The following EEF1AKMT4 variants were observed in gnomAD, a reference collection of about 807,000 sequenced individuals.
EEF1AKMT4 encodes the protein EEF1A lysine methyltransferase 4.
A neutral mutation model predicts 23.0 loss-of-function variants in EEF1AKMT4; 17 were observed. The ratio of observed to expected loss-of-function variants is 0.74; its 90% CI spans 0.51 to 1.11. EEF1AKMT4 has a LOEUF of 1.11. Ranked by LOEUF, EEF1AKMT4 falls within the 50% of genes least tolerant of loss-of-function variation. EEF1AKMT4 has a pLI of 0.00. For missense variants in EEF1AKMT4, 318 were observed against 333.4 expected (o/e 0.95, Z 0.36); for synonymous variants, 140 against 141.4 (o/e 0.99, Z 0.07).
Position 184,257,682 on chromosome 3 carries a change from C to T in EEF1AKMT4, c.406C>T (p.Leu136=). Residue 136 remains leucine (L), a synonymous_variant, in exon 2 of 3, where the codon CTG becomes TTG. Transcript: ENST00000324557. ...VVLEKGTLDA[L]LAGERDPWTV... is the part of the protein sequence containing the mutation. ...GCTCGAGAAGGGCACGCTGGATGCC[C>T]TGCTGGCTGGGGAACGAGATCCCTG... 6.2e-7 allele frequency: 1 copy of T among 1,614,184 alleles called. No homozygotes were observed. Among genetic ancestry groups the T allele is most frequent in the Non-Finnish European group, 8.5e-7 (1 of 1,180,042 alleles).
chr3:184,250,066 A>G (rs1024774020), intron 1 of EEF1AKMT4, among the ~76,000 whole-genome samples, 176 bp downstream of exon 1: 3 of 152,178 alleles, frequency 2.0e-5, no homozygotes, highest in African/African-American at 7.2e-5. Context: ...TAACAGGAGT[A>G]AGAGATTGTT....
At chr3:184,250,150 C>T (rs1383564394) in intron 1 of EEF1AKMT4, among the ~76,000 whole-genome samples, 1 of 152,242 alleles carries the variant, frequency 6.6e-6, no homozygotes, top group African/African-American at 2.4e-5. Flanking sequence ...CCTGTCCGGA[C>T]CCTCGGGAGG....
At position 184,258,422 on chromosome 3, in the gene EEF1AKMT4, C is replaced by T; in HGVS notation, c.615C>T (p.His205=). 1.2e-6 allele frequency: 2 copies of T among 1,614,006 alleles called. No homozygotes were observed. Among genetic ancestry groups the T allele is most frequent in the Admixed American group, 1.7e-5 (1 of 60,006 alleles). ...LRHATYGSGF[H]FHLYLMHKGG... is the part of the protein sequence containing the mutation. Reference sequence around the variant, plus strand: ...ATGCTACCTATGGCAGCGGTTTCCACTTCCATCTCTACCTCATGCACAAGG... The same window carrying T: ...ATGCTACCTATGGCAGCGGTTTCCATTTCCATCTCTACCTCATGCACAAGG... The change falls in exon 3 of 3, where the codon CAC becomes CAT. Residue 205 remains histidine, a synonymous_variant. Coordinates refer to ENST00000324557, the MANE Select transcript of EEF1AKMT4 (RefSeq NM_032331.4).
chr3:184,257,215 A>G (rs1330779631), intron 1 of EEF1AKMT4, among the ~76,000 whole-genome samples: 1 of 151,604 alleles, frequency 6.6e-6, no homozygotes, highest in Non-Finnish European at 1.5e-5. Context: ...ATCTCAAAAA[A>G]AAAAAAAAAA....
rs186005618 is a variant in EEF1AKMT4, at chr3:184,256,286, A to G, written c.197-1187A>G. Among the ~76,000 whole-genome samples, 703 of 146,652 alleles carry G rather than the reference A, an allele frequency of 4.8e-3. 5 individuals are homozygous for G. The highest frequency in any genetic ancestry group is 0.016 in the African/African-American group (662 of 40,826). ...AAACTCCATCTCAAAAAAAAAAAAA[A>G]AAAAGAAAAGAAAAGAAAAAAAGAA... On this transcript the variant is annotated intron_variant, in intron 1 of 2. Transcript: ENST00000324557.
At position 184,251,097 on chromosome 3, in the gene EEF1AKMT4, A is replaced by AG. The variant is rs1300372199; in HGVS notation, c.196+1207_196+1208insG. Among the ~76,000 whole-genome samples the AG allele has an allele frequency of 5.3e-4, 69 of 129,830 alleles. 1 individual carries two copies. The highest frequency in any genetic ancestry group is 3.9e-3 in the Middle Eastern group (1 of 258). 85.2% of individuals were successfully genotyped at this position (129,830 alleles called of 152,430 possible). A position where few individuals can be genotyped will look rare whatever the true frequency, so the allele number is the denominator to read the frequency against. ...CAAAACTCTGTCTCAAAAAAAAAAA[A>AG]AAAAAAAGAAAAGAACTTGGACTCT... On this transcript the variant is annotated intron_variant, in intron 1 of 2. Transcript: ENST00000324557.
In EEF1AKMT4 at chr3:184,258,344, C is replaced by T. The variant is rs1719906851; in HGVS notation, c.537C>T (p.Pro179=). ...TTATCTCAATGACTTCTGCTGCCCC[C>T]CACTTTCGGACCAGACACTATGCCC... ...GRFISMTSAA[P]HFRTRHYAQA... The change falls in exon 3 of 3, where the codon CCC becomes CCT. Residue 179 remains proline, a synonymous_variant. Coordinates refer to ENST00000324557, the MANE Select transcript of EEF1AKMT4 (RefSeq NM_032331.4). 1.2e-6 allele frequency: 2 copies of T among 1,613,762 alleles called. No homozygotes were observed. Among genetic ancestry groups the T allele is most frequent in the East Asian group, 4.5e-5 (2 of 44,880 alleles).
intron 2 of EEF1AKMT4, 53 bp downstream of exon 2, chr3:184,257,809 G>A: frequency 2.6e-6 from 4 of 1,556,778 alleles, no homozygotes; most frequent in Non-Finnish European, 3.5e-6. Flanking sequence ...CTGCGGGGTT[G>A]AGGTTTCAGG....
intron 1 of EEF1AKMT4, among the ~76,000 whole-genome samples, chr3:184,254,540 T>TA (rs1213250266): frequency 0.04 from 3,945 of 99,050 alleles, 77 homozygotes; most frequent in African/African-American, 0.069. Context: ...CCGTCTCTAC[T>TA]AAAAAAAAAA....
chr3:184,255,921 G>GCT (rs1719777456), intron 1 of EEF1AKMT4, among the ~76,000 whole-genome samples: 1 of 152,224 alleles, frequency 6.6e-6, no homozygotes, highest in Non-Finnish European at 1.5e-5. Flanking sequence ...TCCTACTGGA[G>GCT]CATGAGCTCC....
chr3:184,254,940 T>C (rs1416644083), intron 1 of EEF1AKMT4, among the ~76,000 whole-genome samples: 1 of 152,190 alleles, frequency 6.6e-6, no homozygotes, highest in Admixed American at 6.5e-5. Context: ...GGCTCCACTT[T>C]GGAAGGCAGT....
At chr3:184,252,278 A>G (rs1453038753) in intron 1 of EEF1AKMT4, among the ~76,000 whole-genome samples, 2 of 152,156 alleles carry the variant, frequency 1.3e-5, no homozygotes, top group Non-Finnish European at 2.9e-5. Context: ...TTAACTGGGA[A>G]CTATCCTTTT....
At chr3:184,254,585 C>T (rs180724761) in intron 1 of EEF1AKMT4, among the ~76,000 whole-genome samples, 8 of 148,140 alleles carry the variant, frequency 5.4e-5, no homozygotes, top group East Asian at 2.0e-4. Context: ...TGGTGGCGGG[C>T]GCCTGTAGTC....
At chr3:184,253,501 T>C (rs953258069) in intron 1 of EEF1AKMT4, among the ~76,000 whole-genome samples, 1 of 152,194 alleles carries the variant, frequency 6.6e-6, no homozygotes, top group Non-Finnish European at 1.5e-5. Flanking sequence ...AGTGGGCCTC[T>C]TGAAAACTGG....
intron 1 of EEF1AKMT4, among the ~76,000 whole-genome samples, chr3:184,251,098 A>AG: frequency 1.5e-5 from 2 of 130,722 alleles, no homozygotes; most frequent in Non-Finnish European, 3.2e-5. Context: ...AAAAAAAAAA[A>AG]AAAAAAGAAA....
At position 184,258,600 on chromosome 3, in the gene EEF1AKMT4, TCCTG is replaced by T. The variant is rs757670344; in HGVS notation, c.*28_*31del. 1 of 1,538,140 alleles carries T rather than the reference TCCTG, an allele frequency of 6.5e-7. No individual in the cohort carries two copies. The highest frequency in any genetic ancestry group is 1.4e-5 in the African/African-American group (1 of 72,630). On this transcript the variant is annotated 3_prime_UTR_variant, in exon 3 of 3. Coordinates refer to ENST00000324557, the MANE Select transcript of EEF1AKMT4 (RefSeq NM_032331.4). Reference sequence around the variant, plus strand: ...AGGCCAGAGCATGGTCCTCCACCCTTCCTGCCATTCTGCCCTGGGCTCCTCAGGT... The same window carrying T: ...AGGCCAGAGCATGGTCCTCCACCCTTCCATTCTGCCCTGGGCTCCTCAGGT...
At chr3:184,254,509 C>A (rs146099524) in intron 1 of EEF1AKMT4, among the ~76,000 whole-genome samples, 8,023 of 149,882 alleles carry the variant, frequency 0.054, 329 homozygotes, top group African/African-American at 0.1. Flanking sequence ...TCGAGACCAT[C>A]CTGGCTAACA....
chr3:184,256,240 C>T (rs1268485522), intron 1 of EEF1AKMT4, among the ~76,000 whole-genome samples: 1 of 131,746 alleles, frequency 7.6e-6, no homozygotes, highest in Non-Finnish European at 1.6e-5. Context: ...CCTCTGCACT[C>T]CAGCCTGGGC....
intron 1 of EEF1AKMT4, among the ~76,000 whole-genome samples, chr3:184,256,272 CAA>C (rs59087969): frequency 0.018 from 971 of 54,144 alleles, 18 homozygotes; most frequent in African/African-American, 0.058. Flanking sequence ...AACTCCATCT[CAA>C]AAAAAAAAAA....
Sources: gnomAD v4.1 joint callset for allele counts (sites outside exome capture counted in the v4.1 genomes callset) on GRCh38, gnomAD v4.1.1 for gene constraint, MANE v1.5 for transcripts, NCBI Gene and HGNC (gene_info 2026-07-23, HGNC 2026-07-21) for gene names.